Variants in SDK2 observed in about 807,000 individuals in gnomAD.
SDK2 encodes the protein protein sidekick-2.
In SDK2, 105 loss-of-function variants were observed where a neutral mutation model predicts 253.9. The observed-to-expected ratio is 0.41, with a 90% CI of 0.35 to 0.49. SDK2 has a LOEUF of 0.49. Ranked by LOEUF, SDK2 falls within the 20% of genes least tolerant of loss-of-function variation. SDK2 has a pLI of 0.06. For synonymous variants in SDK2, 1,249 were observed against 1,234.9 expected (o/e 1.01, Z -0.24); for missense variants, 2,608 against 3,003.0 (o/e 0.87, Z 3.07).
intron 27 of SDK2, among the ~76,000 whole-genome samples, chr17:73,392,262 GA>G (rs1340184650): frequency 6.8e-6 from 1 of 147,232 alleles, no homozygotes; most frequent in Non-Finnish European, 1.5e-5. Context: ...AGATGTCTGA[GA>G]TTTCCAAACT....
chr17:73,377,221 T>A (rs1488356095), intron 36 of SDK2, among the ~76,000 whole-genome samples: 6 of 150,612 alleles, frequency 4.0e-5, no homozygotes, highest in Non-Finnish European at 8.9e-5. Flanking sequence ...TTTTTTTTTT[T>A]CTTTTTTTTT....
chr17:73,338,664 T>C lies in SDK2; in HGVS notation c.6442A>G (p.Ser2148Gly). ...CTGCTGGGGGGACGGTAGAGGGTGC[T>C]CTGCTGACTTGGGGGGTTAGGGGGG... ...QNPPNPPSQQSTLYRPPSSLA... is the reference protein window; with the variant it reads ...QNPPNPPSQQGTLYRPPSSLA... The change falls in exon 45 of 45, where the codon AGC becomes GGC. Residue 2148 changes from serine to glycine, a missense_variant. This residue lies in a region of SDK2 where 1,103 missense variants were observed against 1,143.9 expected (regional missense o/e 0.96). Coordinates refer to ENST00000392650, the MANE Select transcript of SDK2 (RefSeq NM_001144952.2). This position sits in a 1 kb window ranked among gnomAD's most constrained non-coding sequence, Gnocchi z 5.0. 3 of 1,573,000 alleles carry C rather than the reference T, an allele frequency of 1.9e-6. No homozygotes were observed. Among genetic ancestry groups the C allele is most frequent in the South Asian group, 1.2e-5 (1 of 84,546 alleles).
chr17:73,411,317 C>A (rs983294222), intron 18 of SDK2, among the ~76,000 whole-genome samples: 1 of 152,234 alleles, frequency 6.6e-6, no homozygotes, highest in Non-Finnish European at 1.5e-5. Flanking sequence ...CAGCCTCCCC[C>A]ACTTTGGAGG....
chr17:73,490,524 T>G (rs1200161986), intron 2 of SDK2, among the ~76,000 whole-genome samples: 1 of 86,322 alleles, frequency 1.2e-5, no homozygotes. Context: ...CCAGGCAGTG[T>G]TTTTTTTTTT....
chr17:73,565,958 G>A (rs1271970213), intron 1 of SDK2, among the ~76,000 whole-genome samples: 1 of 152,182 alleles, frequency 6.6e-6, no homozygotes, highest in African/African-American at 2.4e-5. Flanking sequence ...TGAGTAGCTG[G>A]GACTACGGGC....
chr17:73,452,779 T>C (rs1388047565), intron 4 of SDK2, among the ~76,000 whole-genome samples: 2 of 152,190 alleles, frequency 1.3e-5, no homozygotes, highest in Non-Finnish European at 2.9e-5. Context: ...AGGCAGCCAC[T>C]ACCAATTGAT....
intron 3 of SDK2, among the ~76,000 whole-genome samples, chr17:73,468,120 T>C (rs1380242340): frequency 6.6e-6 from 1 of 151,840 alleles, no homozygotes; most frequent in Non-Finnish European, 1.5e-5. Flanking sequence ...CTGTGAGAGG[T>C]AGTGGAGGGG....
intron 1 of SDK2, among the ~76,000 whole-genome samples, chr17:73,632,698 A>G (rs1246677456): frequency 1.3e-5 from 2 of 152,230 alleles, no homozygotes; most frequent in South Asian, 4.1e-4. Context: ...TAATACAGGT[A>G]GAGTGACTCA....
chr17:73,468,339 A>C (rs1464226167), intron 3 of SDK2, among the ~76,000 whole-genome samples: 1 of 152,156 alleles, frequency 6.6e-6, no homozygotes, highest in African/African-American at 2.4e-5. Flanking sequence ...ATATGAGCTC[A>C]AGAAATCCTT....
intron 3 of SDK2, among the ~76,000 whole-genome samples, chr17:73,464,995 T>C (rs2063587431): frequency 6.6e-6 from 1 of 152,182 alleles, no homozygotes; most frequent in South Asian, 2.1e-4. Context: ...GCTTGGCATA[T>C]GGGGGTGTGC....
chr17:73,411,104 G>C (rs2063122432), intron 18 of SDK2, among the ~76,000 whole-genome samples: 2 of 151,864 alleles, frequency 1.3e-5, no homozygotes, highest in Admixed American at 1.3e-4. Context: ...GAGTTTTCCG[G>C]CAGCGAGTGC....
rs1568385724 is a variant in SDK2 at position 73,405,502 on chromosome 17, ATATATAT to A, written c.2485-3368_2485-3362del. On this transcript the variant is annotated intron_variant, in intron 18 of 44. Coordinates refer to ENST00000392650, the MANE Select transcript of SDK2 (RefSeq NM_001144952.2). ...TATATATATATATATATATATATAT[ATATATAT>A]ATATATATAAAGATCGAGAATGTGG... 9.7e-4 allele frequency among the ~76,000 whole-genome samples: 97 copies of A among 99,636 alleles called. 9 individuals are homozygous for A. The highest frequency in any genetic ancestry group is 3.0e-3 in the African/African-American group (81 of 27,424). 65.4% of individuals were successfully genotyped at this position (99,636 alleles called of 152,430 possible).
At chr17:73,632,466 AT>A (rs2046282670) in intron 1 of SDK2, among the ~76,000 whole-genome samples, 1 of 152,122 alleles carries the variant, frequency 6.6e-6, no homozygotes, top group East Asian at 1.9e-4. Flanking sequence ...TACACCAGTG[AT>A]TTTCCAGGGG....
chr17:73,483,653 G>A (rs1454491318), intron 2 of SDK2, among the ~76,000 whole-genome samples: 36 of 39,876 alleles, frequency 9.0e-4, no homozygotes, highest in African/African-American at 2.8e-3. Flanking sequence ...GTGTGTGTGT[G>A]TGTGTGTGTA....
At position 73,440,041 on chromosome 17, in the gene SDK2, C is replaced by T. The variant is rs369182045; in HGVS notation, c.725+771G>A. Among the ~76,000 whole-genome samples, 44 of 151,878 alleles carry T rather than the reference C, an allele frequency of 2.9e-4. 1 individual carries two copies. Among genetic ancestry groups the T allele is most frequent in the African/African-American group, 8.5e-4 (35 of 41,370 alleles). ...TTTCCTGTGTGGGAGAGGTGAGGGC[C>T]GCACATGGCTGGGAAGGGCTCGGGT... On this transcript the variant is annotated intron_variant, in intron 6 of 44. Transcript: ENST00000392650.
chr17:73,480,609 G>A (rs945776327), intron 2 of SDK2, among the ~76,000 whole-genome samples: 6 of 152,278 alleles, frequency 3.9e-5, no homozygotes, highest in African/African-American at 1.4e-4. Flanking sequence ...GGATCTGCTG[G>A]GGGTGAGTGG....
chr17:73,630,465 C>G (rs1172684681), intron 1 of SDK2, among the ~76,000 whole-genome samples: 1 of 151,602 alleles, frequency 6.6e-6, no homozygotes. Flanking sequence ...TCCCATCCCG[C>G]CCTCCTCCCT....
In SDK2 at chr17:73,596,726, G is replaced by A. The variant is rs573269916; in HGVS notation, c.64+47299C>T. On this transcript the variant is annotated intron_variant, in intron 1 of 44. Coordinates refer to ENST00000392650, the MANE Select transcript of SDK2 (RefSeq NM_001144952.2). ...CAGGGTGGCTGGTTCCAGCCTCCCC[G>A]ACCCTCCCAGCTCCACTCTGATCTT... Among the ~76,000 whole-genome samples, 4 of 152,160 alleles carry A rather than the reference G, an allele frequency of 2.6e-5. No individual in the cohort carries two copies. In the East Asian group the frequency reaches 5.8e-4, roughly 22 times the overall value.
chr17:73,409,279 G>T (rs1478296747), intron 18 of SDK2, among the ~76,000 whole-genome samples: 1 of 152,150 alleles, frequency 6.6e-6, no homozygotes, highest in African/African-American at 2.4e-5. Flanking sequence ...TCAGGAGTTT[G>T]AGGCCAGCCT....
Sources: allele counts gnomAD v4.1 joint callset (sites outside exome capture counted in the v4.1 genomes callset), GRCh38; gene constraint gnomAD v4.1.1; regional missense constraint gnomAD v4.1.1; non-coding constraint Gnocchi (gnomAD v3.1); transcripts MANE v1.5; gene names NCBI Gene and HGNC (gene_info 2026-07-23, HGNC 2026-07-21).